The following PCDH9 variants were observed in gnomAD, a reference collection of about 807,000 sequenced individuals.
The protein encoded by PCDH9 is protocadherin 9, also known as protocadherin-9.
A neutral mutation model predicts 70.6 loss-of-function variants in PCDH9; 24 were observed. That is an observed-to-expected ratio of 0.34 (90% confidence interval 0.25 to 0.48). The LOEUF (loss-of-function observed/expected upper bound fraction) is 0.48, where lower values mean the gene tolerates loss of function less well. PCDH9 is among the 20% of genes least tolerant of loss of function. The probability of loss-of-function intolerance (pLI) is 0.99; values close to 1 mark genes in which losing one functional copy is unlikely to be tolerated. For synonymous variants in PCDH9, 562 were observed against 558.5 expected (o/e 1.01, Z -0.09); for missense variants, 1,281 against 1,503.6 (o/e 0.85, Z 2.45).
rs184223753 is a variant in PCDH9, at chr13:66,592,037, G to C, written c.3340+39173C>G. 3.5e-3 allele frequency among the ~76,000 whole-genome samples: 532 copies of C among 151,732 alleles called. 7 individuals carry two copies. The highest frequency in any genetic ancestry group is 3.4e-3 in the Middle Eastern group (1 of 292). ...TAATGAATTCTACATCACCCAGAGA[G>C]ACTTTCAGGGGGTATAAATGTGATG... On this transcript the variant is annotated intron_variant, in intron 4 of 4. Transcript: ENST00000377865.
In PCDH9 at chr13:67,084,514, T is replaced by C. The variant is rs2086053707; in HGVS notation, c.3036+140891A>G. 2.0e-5 allele frequency among the ~76,000 whole-genome samples: 3 copies of C among 152,162 alleles called. No individual in the cohort carries two copies. The South Asian group carries it at 6.2e-4, about 32-fold the overall frequency. ...ACCATACTCCTTCCTTTAAAAACCC[T>C]TACCTGCAAGCCACTGGGGAGGTCA... is the stretch of plus-strand genomic sequence containing the variant. On this transcript the variant is annotated intron_variant, in intron 2 of 4. Coordinates refer to ENST00000377865, the MANE Select transcript of PCDH9 (RefSeq NM_203487.3).
intron 4 of PCDH9, among the ~76,000 whole-genome samples, chr13:66,532,077 C>A (rs1456199592): frequency 6.6e-6 from 1 of 152,154 alleles, no homozygotes; most frequent in African/African-American, 2.4e-5. Context: ...GCCTCTACCT[C>A]CAGGGCTCAA....
chr13:66,628,248 C>A (rs2077524304), intron 4 of PCDH9, among the ~76,000 whole-genome samples: 1 of 152,116 alleles, frequency 6.6e-6, no homozygotes, highest in Admixed American at 6.6e-5. Flanking sequence ...CTTTCTTGAA[C>A]ATATATTTCT....
chr13:67,219,421 C>T (rs78433982), intron 2 of PCDH9: 1 of 152,000 alleles, frequency 6.6e-6, no homozygotes, highest in Non-Finnish European at 1.5e-5. Context: ...CCAATGAAAT[C>T]TTAAAAACAG....
intron 3 of PCDH9, among the ~76,000 whole-genome samples, chr13:66,734,129 G>T (rs1225416551): frequency 6.6e-6 from 1 of 152,098 alleles, no homozygotes; most frequent in African/African-American, 2.4e-5. Context: ...TAGGGGCTTT[G>T]GGTCACATGA....
intron 3 of PCDH9, among the ~76,000 whole-genome samples, chr13:66,873,562 T>C (rs890960512): frequency 6.6e-5 from 10 of 152,194 alleles, no homozygotes; most frequent in African/African-American, 2.4e-4. Flanking sequence ...GTTTTTCTCC[T>C]AATCTCCCTG....
intron 4 of PCDH9, among the ~76,000 whole-genome samples, chr13:66,444,270 C>T (rs1958029426): frequency 6.6e-6 from 1 of 152,172 alleles, no homozygotes; most frequent in South Asian, 2.1e-4. Context: ...ATCAGAATTA[C>T]TCTGTTGGCC....
chr13:67,190,863 A>G (rs2088891986), intron 2 of PCDH9, among the ~76,000 whole-genome samples: 1 of 152,104 alleles, frequency 6.6e-6, no homozygotes, highest in East Asian at 1.9e-4. Flanking sequence ...AATAATATCT[A>G]AAAATGTCAG....
intron 4 of PCDH9, among the ~76,000 whole-genome samples, chr13:66,340,656 G>A (rs1956109312): frequency 6.6e-6 from 1 of 152,122 alleles, no homozygotes; most frequent in Admixed American, 6.6e-5. Flanking sequence ...TTCTGTTTAA[G>A]TTATTTCCAT....
At chr13:67,000,190 G>A (rs1332968014) in intron 2 of PCDH9, among the ~76,000 whole-genome samples, 3 of 152,026 alleles carry the variant, frequency 2.0e-5, no homozygotes, top group Non-Finnish European at 4.4e-5. Flanking sequence ...TAGGGACATG[G>A]ATGAAATTGG....
chr13:67,020,351 G>T (rs1011216169), intron 2 of PCDH9, among the ~76,000 whole-genome samples: 4 of 152,084 alleles, frequency 2.6e-5, no homozygotes, highest in African/African-American at 9.7e-5. Flanking sequence ...AATAAAATCT[G>T]CAGTACGTGA....
chr13:66,358,029 T>C (rs1320062801), intron 4 of PCDH9, among the ~76,000 whole-genome samples: 1 of 152,052 alleles, frequency 6.6e-6, no homozygotes, highest in Non-Finnish European at 1.5e-5. Context: ...ATCAGTAATA[T>C]ACTGTGAGCA....
chr13:66,370,015 T>C (rs1956617481), intron 4 of PCDH9, among the ~76,000 whole-genome samples: 2 of 152,110 alleles, frequency 1.3e-5, no homozygotes, highest in Non-Finnish European at 2.9e-5. Flanking sequence ...GCTAAGCAAC[T>C]ATCATTGCTT....
chr13:66,968,913 T>C (rs531686116), intron 2 of PCDH9, among the ~76,000 whole-genome samples: 1 of 152,018 alleles, frequency 6.6e-6, no homozygotes, highest in Non-Finnish European at 1.5e-5. Flanking sequence ...TAAGGAGAGC[T>C]AGAATTCCAG....
chr13:67,189,315 G>T (rs929049211), intron 2 of PCDH9, among the ~76,000 whole-genome samples: 6 of 151,820 alleles, frequency 4.0e-5, no homozygotes, highest in African/African-American at 1.5e-4. Context: ...TAACTTTCAA[G>T]ATTTTTTATT....
At chr13:66,305,901 G>A (rs533478704) in intron 4 of PCDH9, among the ~76,000 whole-genome samples, 21 of 152,090 alleles carry the variant, frequency 1.4e-4, no homozygotes, top group Admixed American at 4.6e-4. Flanking sequence ...CCAGGATTTC[G>A]AAAGTAAACT....
At chr13:66,918,022 G>A (rs1414950198) in intron 2 of PCDH9, among the ~76,000 whole-genome samples, 1 of 151,336 alleles carries the variant, frequency 6.6e-6, no homozygotes, top group Non-Finnish European at 1.5e-5. Flanking sequence ...GTTCGAGGAT[G>A]ATTGGTTCCT....
chr13:66,358,363 T>A (rs1337850356), intron 4 of PCDH9, among the ~76,000 whole-genome samples: 10 of 151,982 alleles, frequency 6.6e-5, no homozygotes, highest in Admixed American at 6.6e-4. Context: ...TAGAAGTAAT[T>A]TAGCAGATTT....
intron 2 of PCDH9, among the ~76,000 whole-genome samples, chr13:67,022,691 G>C (rs1318679118): frequency 6.6e-6 from 1 of 152,084 alleles, no homozygotes; most frequent in African/African-American, 2.4e-5. Flanking sequence ...ATTTAATAAA[G>C]ATGAATCTTT....
Sources: gnomAD v4.1 joint callset for allele counts (sites outside exome capture counted in the v4.1 genomes callset) on GRCh38, gnomAD v4.1.1 for gene constraint, MANE v1.5 for transcripts, NCBI Gene and HGNC (gene_info 2026-07-23, HGNC 2026-07-21) for gene names.